The following COL4A2 variants were observed in gnomAD, a reference collection of about 807,000 sequenced individuals.
The protein encoded by COL4A2 is collagen alpha-2(IV) chain.
In COL4A2, 99 loss-of-function variants were observed where a neutral mutation model predicts 200.2. The ratio of observed to expected loss-of-function variants is 0.49; its 90% CI spans 0.42 to 0.58. The LOEUF (loss-of-function observed/expected upper bound fraction) is 0.58. COL4A2 is among the 20% of genes least tolerant of loss of function. COL4A2 has a pLI of 0.00. For missense variants in COL4A2, 1,950 were observed against 2,314.1 expected, an observed-to-expected ratio of 0.84 and a Z score of 3.23; for synonymous variants, 897 against 900.6, an observed-to-expected ratio of 1.00 and a Z score of 0.07.
At chr13:110,511,793 C>A in intron 47 of COL4A2, 141 bp from the exon 48 acceptor site, 1 of 1,373,682 alleles carries the variant, frequency 7.3e-7, no homozygotes, top group Non-Finnish European at 9.9e-7. Context: ...AAGGCGCATT[C>A]GCGAGGATGC....
At chr13:110,368,000 A>G (rs1222494063) in intron 4 of COL4A2, among the ~76,000 whole-genome samples, 3 of 152,238 alleles carry the variant, frequency 2.0e-5, no homozygotes, top group African/African-American at 7.2e-5. Context: ...ACAGGAAGCC[A>G]GGCTTCCTGC....
intron 4 of COL4A2, among the ~76,000 whole-genome samples, chr13:110,408,994 G>A (rs111205954): frequency 6.1e-3 from 18 of 2,940 alleles, no homozygotes; most frequent in Admixed American, 0.011. Flanking sequence ...ATGCACACAC[G>A]CACACATACA....
chr13:110,313,452 G>A (rs1007887290), intron 3 of COL4A2, among the ~76,000 whole-genome samples: 13 of 151,906 alleles, frequency 8.6e-5, no homozygotes, highest in African/African-American at 2.7e-4. Context: ...GCGTCCACCC[G>A]GCAGGCTCCC....
intron 4 of COL4A2, among the ~76,000 whole-genome samples, chr13:110,374,808 TC>T (rs1878167476): frequency 3.3e-5 from 5 of 152,314 alleles, no homozygotes; most frequent in Admixed American, 2.6e-4. Context: ...CGATTATACT[TC>T]TGTAGTTTCA....
At chr13:110,418,939 T>A (rs1880143707) in intron 4 of COL4A2, among the ~76,000 whole-genome samples, 1 of 152,210 alleles carries the variant, frequency 6.6e-6, no homozygotes. Flanking sequence ...TATTTCTAAA[T>A]TTTGGCCGGT....
intron 46 of COL4A2, among the ~76,000 whole-genome samples, chr13:110,507,195 C>T (rs1056893416): frequency 6.6e-6 from 1 of 152,202 alleles, no homozygotes; most frequent in African/African-American, 2.4e-5. Flanking sequence ...TGTTCTGCCT[C>T]CTCGGTGCAG....
chr13:110,491,870 A>G (rs1883296294), intron 37 of COL4A2, among the ~76,000 whole-genome samples, 200 bp from the exon 38 acceptor site: 1 of 152,210 alleles, frequency 6.6e-6, no homozygotes, highest in African/African-American at 2.4e-5. Context: ...GGCTGAGCAA[A>G]TCCTATTGAA....
At chr13:110,501,522 G>C in intron 40 of COL4A2, 146 bp from the exon 41 acceptor site, 6 of 712,796 alleles carry the variant, frequency 8.4e-6, no homozygotes, top group Non-Finnish European at 1.4e-5. Context: ...CCCACCATGA[G>C]ATGTTCCTTG....
At chr13:110,308,657 G>C (rs1884880154) in intron 3 of COL4A2, among the ~76,000 whole-genome samples, 1 of 152,082 alleles carries the variant, frequency 6.6e-6, no homozygotes, top group African/African-American at 2.4e-5. Context: ...GAAAAACCGC[G>C]TTTTCTCCCA....
chr13:110,333,468 A>G (rs895176122), intron 3 of COL4A2, among the ~76,000 whole-genome samples: 20 of 152,220 alleles, frequency 1.3e-4, no homozygotes, highest in Admixed American at 1.2e-3. Context: ...TCTGGTACCT[A>G]CAGGCTCCGT....
At chr13:110,429,791 G>A in intron 7 of COL4A2, 94 bp from the exon 8 acceptor site, 1 of 1,272,846 alleles carries the variant, frequency 7.9e-7, no homozygotes, top group South Asian at 1.3e-5. Flanking sequence ...GCCCACAAAA[G>A]TCAATGTTCA....
At position 110,370,446 on chromosome 13, in the gene COL4A2, G is replaced by A. The variant is rs146698490; in HGVS notation, c.180+12894G>A. 2.4e-3 allele frequency among the ~76,000 whole-genome samples: 363 copies of A among 152,190 alleles called. 1 individual carries two copies. Among genetic ancestry groups the A allele is most frequent in the African/African-American group, 7.8e-3 (323 of 41,532 alleles). On this transcript the variant is annotated intron_variant, in intron 4 of 47. Transcript: ENST00000360467. Reference sequence around the variant, plus strand: ...AATTTTTTGTATTTTTAGTAGAAACGGGGTTTCACTGTGTTGGCCAGGCTG... The same window carrying A: ...AATTTTTTGTATTTTTAGTAGAAACAGGGTTTCACTGTGTTGGCCAGGCTG...
intron 37 of COL4A2, 102 bp downstream of exon 37, chr13:110,491,442 C>T: frequency 1.2e-6 from 1 of 813,090 alleles, no homozygotes. Context: ...CACACCCAAC[C>T]CTGGAAGCTC....
At chr13:110,340,500 G>A (rs1239794705) in intron 3 of COL4A2, among the ~76,000 whole-genome samples, 1 of 152,180 alleles carries the variant, frequency 6.6e-6, no homozygotes, top group Non-Finnish European at 1.5e-5. Context: ...AAAGGAAGAG[G>A]ATGAGAAGAC....
chr13:110,449,771 C>G lies in COL4A2; in HGVS notation c.1171C>G (p.Leu391Val). 1 of 1,548,714 alleles carries G rather than the reference C, an allele frequency of 6.5e-7. No individual in the cohort carries two copies. The highest frequency in any genetic ancestry group is 8.7e-7 in the Non-Finnish European group (1 of 1,146,714). Residue 391 changes from leucine to valine, a missense_variant, in exon 19 of 48, where the codon CTC becomes GTC. Physicochemically the swap from Leu to Val is conservative, Grantham distance 32 (BLOSUM62 1). Coordinates refer to ENST00000360467, the MANE Select transcript of COL4A2 (RefSeq NM_001846.4). ...GDPGLPGPPG[L>V]SIGDGDQRRG... is the part of the protein sequence containing the mutation. ...CCCGGGCCTCCCAGGTCCCCCTGGCCTCTCCATCGGAGATGGAGGTAATGT... is the reference window on the plus strand; with the variant it reads ...CCCGGGCCTCCCAGGTCCCCCTGGCGTCTCCATCGGAGATGGAGGTAATGT...
At chr13:110,379,751 A>G (rs1303917883) in intron 4 of COL4A2, among the ~76,000 whole-genome samples, 1 of 152,176 alleles carries the variant, frequency 6.6e-6, no homozygotes, top group Non-Finnish European at 1.5e-5. Context: ...GGCAGTGTTG[A>G]TGAGCCCCCC....
At chr13:110,350,990 ACT>A (rs1434708402) in intron 3 of COL4A2, among the ~76,000 whole-genome samples, 3 of 147,016 alleles carry the variant, frequency 2.0e-5, no homozygotes, top group Non-Finnish European at 4.5e-5. Context: ...TCTTCCTCAA[ACT>A]CTCTGTCCAG....
In COL4A2 at chr13:110,325,348, G is replaced by A. The variant is rs116681556; in HGVS notation, c.99+17225G>A. The stretch of plus-strand genomic sequence containing the variant: ...TTACCTCCCTAAGTTGTTAAAGGCA[G>A]CCCTGTTTCTCCTGGAGTGATACTT... On this transcript the variant is annotated intron_variant, in intron 3 of 47. Coordinates refer to ENST00000360467, the MANE Select transcript of COL4A2 (RefSeq NM_001846.4). 5.1e-3 allele frequency among the ~76,000 whole-genome samples: 771 copies of A among 152,288 alleles called. 7 individuals are homozygous for A. The highest frequency in any genetic ancestry group is 0.018 in the African/African-American group (739 of 41,562).
At chr13:110,451,967 A>G (rs1659204201) in intron 20 of COL4A2, among the ~76,000 whole-genome samples, 1 of 152,268 alleles carries the variant, frequency 6.6e-6, no homozygotes, top group Non-Finnish European at 1.5e-5. Context: ...GACGTTGACC[A>G]AAAGTTAACA....
Sources: allele counts gnomAD v4.1 joint callset (sites outside exome capture counted in the v4.1 genomes callset), GRCh38; gene constraint gnomAD v4.1.1; transcripts MANE v1.5; gene names NCBI Gene and HGNC (gene_info 2026-07-23, HGNC 2026-07-21).